The following ABCD3 variants were observed in gnomAD, a reference collection of about 807,000 sequenced individuals.
ABCD3 encodes ATP-binding cassette sub-family D member 3.
ABCD3 carries 41 observed loss-of-function variants against 105.5 expected under a neutral mutation model. That is an observed-to-expected ratio of 0.39 (90% CI 0.30 to 0.50). The LOEUF is 0.50. ABCD3 is among the 20% of genes least tolerant of loss of function. ABCD3 has a pLI of 0.84. For synonymous variants in ABCD3, 258 were observed against 269.0 expected (o/e 0.96, Z 0.40); for missense variants, 622 against 806.3 (o/e 0.77, Z 2.77).
intron 1 of ABCD3, among the ~76,000 whole-genome samples, chr1:94,445,363 A>T (rs1473493399): frequency 1.3e-5 from 2 of 152,292 alleles, no homozygotes; most frequent in East Asian, 3.9e-4. Flanking sequence ...GTTGGAGAAC[A>T]TGGAACTAAG....
intron 1 of ABCD3, among the ~76,000 whole-genome samples, chr1:94,448,905 A>G (rs1043274190): frequency 6.6e-6 from 1 of 152,238 alleles, no homozygotes; most frequent in Non-Finnish European, 1.5e-5. Flanking sequence ...GGACTACGGG[A>G]CACCCCATAT....
At chr1:94,410,374 GT>G in the ABCD3 span, among the ~76,000 whole-genome samples, 1 of 152,196 alleles carries the variant, frequency 6.6e-6, no homozygotes, top group African/African-American at 2.4e-5. Flanking sequence ...TTCCTTTTAG[GT>G]GGGCTCTCAA....
upstream of ABCD3, among the ~76,000 whole-genome samples, chr1:94,417,954 C>A (rs564206402): frequency 4.6e-5 from 7 of 152,134 alleles, no homozygotes; most frequent in Non-Finnish European, 8.8e-5. Context: ...AATCACTGTG[C>A]TGTGTTTTCC....
chr1:94,483,470 C>T (rs796598007), intron 10 of ABCD3, among the ~76,000 whole-genome samples: 2 of 151,952 alleles, frequency 1.3e-5, no homozygotes, highest in African/African-American at 4.8e-5. Flanking sequence ...TATAAAATTG[C>T]ATAGATTTAT....
chr1:94,412,477 CA>C, the ABCD3 span, among the ~76,000 whole-genome samples: 1 of 152,146 alleles, frequency 6.6e-6, no homozygotes, highest in East Asian at 1.9e-4. Context: ...AAAATTGCTT[CA>C]TTCTTTTAAT....
chr1:94,385,787 G>A, the ABCD3 span, among the ~76,000 whole-genome samples: 2 of 152,086 alleles, frequency 1.3e-5, no homozygotes, highest in African/African-American at 4.8e-5. Context: ...GTTTATCTGT[G>A]TCACTAAAGA....
chr1:94,392,766 G>C, the ABCD3 span, among the ~76,000 whole-genome samples: 1 of 152,072 alleles, frequency 6.6e-6, no homozygotes, highest in South Asian at 2.1e-4. Flanking sequence ...GCAAATATGG[G>C]TCTTTATAGA....
At chr1:94,478,235 T>C in intron 7 of ABCD3, 24 bp from the exon 8 acceptor site, 2 of 1,378,082 alleles carry the variant, frequency 1.5e-6, no homozygotes, top group Non-Finnish European at 2.1e-6. Context: ...TTTAATTCTG[T>C]GTATTCTAAT....
the ABCD3 span, among the ~76,000 whole-genome samples, chr1:94,413,213 C>A: frequency 6.6e-6 from 1 of 151,138 alleles, no homozygotes; most frequent in Non-Finnish European, 1.5e-5. Context: ...CTTTTTTTTC[C>A]TTTTAAAAAA....
chr1:94,461,360 A>G (rs1480687477), intron 2 of ABCD3, among the ~76,000 whole-genome samples: 1 of 152,080 alleles, frequency 6.6e-6, no homozygotes, highest in African/African-American at 2.4e-5. Flanking sequence ...ATTTAATTAG[A>G]AAGTTGGAGA....
the ABCD3 span, among the ~76,000 whole-genome samples, chr1:94,386,023 GTTTCTTTCTTTCTTTCTTTC>G: frequency 0.051 from 7,708 of 151,486 alleles, 261 homozygotes; most frequent in South Asian, 0.12. Context: ...TTTAGAATCT[GTTTCTTTCTTTCTTTCTTTC>G]TTTCTTTCTT....
At chr1:94,462,989 TGAG>T (rs563362206) in intron 2 of ABCD3, among the ~76,000 whole-genome samples, 1 of 152,298 alleles carries the variant, frequency 6.6e-6, no homozygotes, top group East Asian at 1.9e-4. Context: ...AGGTTTAGCT[TGAG>T]GAGAATAGGC....
the ABCD3 span, among the ~76,000 whole-genome samples, chr1:94,393,215 G>A: frequency 6.6e-6 from 1 of 152,130 alleles, no homozygotes; most frequent in African/African-American, 2.4e-5. Flanking sequence ...AGAATGCTTA[G>A]CACAATCTCT....
At chr1:94,478,137 A>T (rs527731992) in intron 7 of ABCD3, 122 bp from the exon 8 acceptor site, 1 of 662,570 alleles carries the variant, frequency 1.5e-6, no homozygotes, top group Non-Finnish European at 2.7e-6. Flanking sequence ...ACATAGTGGG[A>T]CCTCTACATG....
chr1:94,491,367 G>T, intron 16 of ABCD3, 120 bp downstream of exon 16: 1 of 750,168 alleles, frequency 1.3e-6, no homozygotes, highest in Non-Finnish European at 2.2e-6. Flanking sequence ...CCACAGAATT[G>T]CTTTAAAAAG....
the ABCD3 span, among the ~76,000 whole-genome samples, chr1:94,413,171 TGCC>T: frequency 3.3e-5 from 5 of 152,308 alleles, no homozygotes; most frequent in Admixed American, 2.0e-4. Flanking sequence ...TAAAAAATTC[TGCC>T]ATCTTTTCTT....
In ABCD3 at chr1:94,418,427, C is replaced by T. The variant is rs984641615; in HGVS notation, c.-52C>T. ...GCGCTGCGTGCAGTAAGGTAGCCGC[C>T]GCCGCCGCCGCCGCCGCGTCCCCTC... On this transcript the variant is annotated 5_prime_UTR_variant, in exon 1 of 23. Transcript: ENST00000370214. The T allele has an allele frequency of 1.4e-5, 21 of 1,489,784 alleles. No homozygotes were observed. The highest frequency in any genetic ancestry group is 1.4e-5 in the African/African-American group (1 of 71,466). 92.3% of individuals were successfully genotyped at this position (1,489,784 alleles called of 1,614,324 possible).
In ABCD3 at chr1:94,498,560, T is replaced by C. The variant is rs770916580; in HGVS notation, c.1387-42T>C. 1.9e-6 allele frequency: 3 copies of C among 1,592,432 alleles called. No homozygotes were observed. The Admixed American group carries it at 5.0e-5, about 27-fold the overall frequency. ...AATGTTGATTAAGTATATGTTAATTTGATTTAATTACTTCACAGACTGATT... is the reference window on the plus strand; with the variant it reads ...AATGTTGATTAAGTATATGTTAATTCGATTTAATTACTTCACAGACTGATT... On this transcript the variant is annotated intron_variant, in intron 16 of 22. Coordinates refer to ENST00000370214, the MANE Select transcript of ABCD3 (RefSeq NM_002858.4).
chr1:94,472,137 T>G (rs1648486303), intron 4 of ABCD3: 1 of 727,918 alleles, frequency 1.4e-6, no homozygotes, highest in African/African-American at 1.9e-5. Flanking sequence ...TTAGGGCTAT[T>G]GTAAAATTGT....
Sources: gnomAD v4.1 joint callset for allele counts (sites outside exome capture counted in the v4.1 genomes callset) on GRCh38, gnomAD v4.1.1 for gene constraint, MANE v1.5 for transcripts, NCBI Gene and HGNC (gene_info 2026-07-23, HGNC 2026-07-21) for gene names.